EBF4: variants seen among roughly 807,000 people sequenced by gnomAD.
EBF4 encodes transcription factor COE4.
EBF4 carries 34 observed loss-of-function variants against 67.1 expected under a neutral mutation model. The ratio of observed to expected loss-of-function variants is 0.51; its 90% CI spans 0.39 to 0.67. The LOEUF (loss-of-function observed/expected upper bound fraction) is 0.67. Ranked by LOEUF, EBF4 falls within the 30% of genes least tolerant of loss-of-function variation. The pLI is 0.00. For missense variants in EBF4, 837 were observed against 873.3 expected, an observed-to-expected ratio of 0.96 and a Z score of 0.52; for synonymous variants, 387 against 377.7, an observed-to-expected ratio of 1.02 and a Z score of -0.29.
Position 2,693,932 on chromosome 20 carries a change from C to T in EBF4, c.137+150C>T. 9.4e-7 allele frequency: 1 copy of T among 1,064,004 alleles called. No individual in the cohort carries two copies. 65.9% of individuals were successfully genotyped at this position (1,064,004 alleles called of 1,614,324 possible). ...TCCCCGGCCCACCCCGTCCGGAGTG[C>T]CTGTGCTGCCTCCTGAGGCTGTGGG... On this transcript the variant is annotated intron_variant, in intron 1 of 16. Coordinates refer to ENST00000609451, the Ensembl canonical transcript of EBF4. The surrounding 1 kb of genome is among the most constrained non-coding windows in gnomAD (Gnocchi z 4.6).
At chr20:2,709,523 C>A in intron 5 of EBF4, 51 bp from the exon 6 acceptor site, 1 of 1,509,588 alleles carries the variant, frequency 6.6e-7, no homozygotes, top group Non-Finnish European at 8.9e-7. Context: ...ACTGTCGTGG[C>A]CCCCTCCTTC....
intron 6 of EBF4, among the ~76,000 whole-genome samples, chr20:2,742,664 T>C (rs1232471068): frequency 1.3e-5 from 2 of 152,152 alleles, no homozygotes; most frequent in African/African-American, 4.8e-5. Context: ...GAGAGGGCTG[T>C]GGACTTGGGC....
intron 1 of EBF4, among the ~76,000 whole-genome samples, chr20:2,700,922 G>T (rs548113286): frequency 5.3e-5 from 8 of 152,300 alleles, no homozygotes; most frequent in Non-Finnish European, 8.8e-5. Context: ...TCCGTCTCTT[G>T]TTCATAGGAA....
intron 1 of EBF4, among the ~76,000 whole-genome samples, chr20:2,697,437 C>G (rs1006408250): frequency 1.3e-5 from 2 of 151,678 alleles, no homozygotes; most frequent in East Asian, 3.9e-4. Context: ...CCCAGCTACT[C>G]AGGAGGCTGA....
At chr20:2,727,300 T>C (rs1171233662) in intron 6 of EBF4, among the ~76,000 whole-genome samples, 2 of 152,168 alleles carry the variant, frequency 1.3e-5, no homozygotes, top group Non-Finnish European at 2.9e-5. Context: ...TGCAGATATC[T>C]CTCTGAGATC....
chr20:2,744,796 G>A (rs1030226285), intron 6 of EBF4, among the ~76,000 whole-genome samples: 3 of 152,040 alleles, frequency 2.0e-5, no homozygotes, highest in African/African-American at 7.2e-5. Context: ...AAGGCCTCAA[G>A]TCACATATGT....
chr20:2,698,315 A>G (rs73578037), intron 1 of EBF4, among the ~76,000 whole-genome samples: 8,971 of 152,328 alleles, frequency 0.059, 863 homozygotes, highest in African/African-American at 0.2. Context: ...GGCTCTGGGC[A>G]GCTGCCTGCA....
intron 6 of EBF4, among the ~76,000 whole-genome samples, chr20:2,740,248 G>T (rs2146471879): frequency 6.6e-6 from 1 of 152,284 alleles, no homozygotes. Context: ...AGGAGGTGGA[G>T]GTTGCAGTGA....
chr20:2,710,859 T>A (rs1184683751), intron 6 of EBF4, among the ~76,000 whole-genome samples: 1 of 152,154 alleles, frequency 6.6e-6, no homozygotes, highest in East Asian at 1.9e-4. Flanking sequence ...ATGGTGACAG[T>A]GGCTGAGTGC....
At chr20:2,705,756 TG>T (rs1395475734) in intron 2 of EBF4, 23 bp downstream of exon 2, 16 of 1,538,932 alleles carry the variant, frequency 1.0e-5, no homozygotes, top group Non-Finnish European at 1.3e-5. Flanking sequence ...TGGGCTTGGC[TG>T]GGACTGGCCC....
intron 15 of EBF4, 63 bp from the exon 16 acceptor site, chr20:2,758,846 G>T: frequency 7.0e-7 from 1 of 1,422,692 alleles, no homozygotes; most frequent in South Asian, 1.2e-5. Context: ...CCCAGAGAGT[G>T]ACAGGCAGGT....
chr20:2,703,065 A>G (rs1468851314), intron 1 of EBF4, among the ~76,000 whole-genome samples: 2 of 151,700 alleles, frequency 1.3e-5, no homozygotes, highest in African/African-American at 4.8e-5. Flanking sequence ...GCTGGAGCCC[A>G]GAAGTTCAAG....
At chr20:2,725,294 A>G (rs2146433010) in intron 6 of EBF4, among the ~76,000 whole-genome samples, 2 of 152,082 alleles carry the variant, frequency 1.3e-5, no homozygotes, top group South Asian at 4.2e-4. Context: ...TTTTTCATTC[A>G]TCTTTCAAGT....
chr20:2,705,544 T>G, intron 1 of EBF4, 33 bp from the exon 2 acceptor site: 1 of 1,551,582 alleles, frequency 6.4e-7, no homozygotes, highest in Non-Finnish European at 8.7e-7. Context: ...TGGGGGGCCT[T>G]CCAGTGGTTT....
intron 1 of EBF4, among the ~76,000 whole-genome samples, chr20:2,702,059 G>A (rs1185879511): frequency 6.6e-6 from 1 of 152,356 alleles, no homozygotes; most frequent in East Asian, 1.9e-4. Flanking sequence ...GGGCAAGGGG[G>A]TGGAGGGAGC....
rs552945151 is a variant in EBF4, at chr20:2,758,908, G to C, written c.1739-1G>C. ...GGCTCCTTTTTCCTTGACTACTGCA[G>C]ACCAGTCTTTTGAGGATTCTGACAA... On this transcript the variant is annotated splice_acceptor_variant, in intron 15 of 16. Coordinates refer to ENST00000609451, the Ensembl canonical transcript of EBF4. LOFTEE classifies it high-confidence loss of function. 6.4e-7 allele frequency: 1 copy of C among 1,551,726 alleles called. No individual in the cohort carries two copies. Among genetic ancestry groups the C allele is most frequent in the African/African-American group, 1.4e-5 (1 of 73,184 alleles).
intron 5 of EBF4, among the ~76,000 whole-genome samples, chr20:2,709,261 G>C (rs923483006): frequency 1.3e-5 from 2 of 152,208 alleles, no homozygotes; most frequent in Non-Finnish European, 2.9e-5. Context: ...TGCGTAGACT[G>C]TGCTTCCATA....
chr20:2,752,475 C>A lies in EBF4; in HGVS notation c.1470C>A (p.Gly490=). 3 of 1,265,186 alleles carry A rather than the reference C, an allele frequency of 2.4e-6. No individual in the cohort carries two copies. In the South Asian group the frequency reaches 8.9e-5, roughly 37 times the overall value. 78.4% of individuals were successfully genotyped at this position (1,265,186 alleles called of 1,614,324 possible). The change falls in exon 14 of 17, where the codon GGC becomes GGA. Residue 490 remains glycine, a synonymous_variant. Transcript: ENST00000609451. The stretch of plus-strand genomic sequence containing the variant: ...GCCTGGGCGGCTACGGCGCGCCGGG[C>A]GTGGCCGGCCTCGGCGTGCCTGGGT...
intron 6 of EBF4, among the ~76,000 whole-genome samples, chr20:2,732,868 AT>A (rs1417472962): frequency 6.6e-6 from 1 of 151,826 alleles, no homozygotes; most frequent in African/African-American, 2.4e-5. Context: ...TATATCCCCT[AT>A]CCCCACAAAT....
Sources: allele counts gnomAD v4.1 joint callset (sites outside exome capture counted in the v4.1 genomes callset), GRCh38; gene constraint gnomAD v4.1.1; non-coding constraint Gnocchi (gnomAD v3.1); transcripts MANE v1.5; gene names NCBI Gene and HGNC (gene_info 2026-07-23, HGNC 2026-07-21).